The following BICD1 variants were observed in gnomAD, a reference collection of about 807,000 sequenced individuals.
The protein encoded by BICD1 is protein bicaudal D homolog 1.
In BICD1, 35 loss-of-function variants were observed where a neutral mutation model predicts 92.5. The ratio of observed to expected loss-of-function variants is 0.38; its 90% CI spans 0.29 to 0.50. BICD1 has a LOEUF of 0.50. BICD1 is among the 20% of genes least tolerant of loss of function. BICD1 has a pLI of 0.93. For synonymous variants in BICD1, 429 were observed against 465.1 expected, an observed-to-expected ratio of 0.92 and a Z score of 1.00; for missense variants, 950 against 1,189.8, an observed-to-expected ratio of 0.80 and a Z score of 2.97.
rs140279451 is a variant in BICD1 at position 32,207,444 on chromosome 12, G to T, written c.214-8803G>T. Reference sequence around the variant, plus strand: ...TTGAGAAGTATGGAAAATATGATATGCTATTTATTTGAATGATACTCGGTA... The same window carrying T: ...TTGAGAAGTATGGAAAATATGATATTCTATTTATTTGAATGATACTCGGTA... On this transcript the variant is annotated intron_variant, in intron 1 of 9. Coordinates refer to ENST00000652176, the MANE Select transcript of BICD1 (RefSeq NM_001714.4). Among the ~76,000 whole-genome samples, 570 of 152,190 alleles carry T rather than the reference G, an allele frequency of 3.7e-3. 3 individuals carry two copies. The highest frequency in any genetic ancestry group is 0.013 in the African/African-American group (550 of 41,530).
intron 2 of BICD1, among the ~76,000 whole-genome samples, chr12:32,239,062 T>C (rs1946158470): frequency 7.1e-6 from 1 of 141,366 alleles, no homozygotes; most frequent in Non-Finnish European, 1.5e-5. Flanking sequence ...CTGGCTAACA[T>C]GGCGAAACCC....
intron 8 of BICD1, among the ~76,000 whole-genome samples, chr12:32,342,916 T>G (rs1348414684): frequency 6.6e-6 from 1 of 152,226 alleles, no homozygotes; most frequent in African/African-American, 2.4e-5. Context: ...TAGTAATTGA[T>G]TAATGCATTA....
At chr12:32,230,541 G>C (rs1945852430) in intron 2 of BICD1, among the ~76,000 whole-genome samples, 1 of 152,146 alleles carries the variant, frequency 6.6e-6, no homozygotes, top group Admixed American at 6.5e-5. Flanking sequence ...AGAGATGATG[G>C]CAATGGCAAT....
intron 2 of BICD1, among the ~76,000 whole-genome samples, chr12:32,243,405 C>T (rs922130076): frequency 2.0e-5 from 3 of 151,194 alleles, no homozygotes; most frequent in Non-Finnish European, 4.4e-5. Flanking sequence ...TGAGCAACTG[C>T]GTCTGGCCAG....
chr12:32,200,967 T>C (rs1944890226), intron 1 of BICD1, among the ~76,000 whole-genome samples: 1 of 152,254 alleles, frequency 6.6e-6, no homozygotes, highest in African/African-American at 2.4e-5. Context: ...ATCTGTTTCC[T>C]ATATCCTAGT....
Position 32,327,640 on chromosome 12 carries a change from G to A in BICD1, c.1185G>A (p.Lys395=), listed in dbSNP as rs766108342. 4 of 1,614,140 alleles carry A rather than the reference G, an allele frequency of 2.5e-6. No individual in the cohort carries two copies. Among genetic ancestry groups the A allele is most frequent in the South Asian group, 1.1e-5 (1 of 91,074 alleles). ...TCAAGGCTGAGCTGGACGGGGAGAA[G>A]GGCCGGGACTCAGGGGAGGAGGCCC... ...KELKAELDGE[K]GRDSGEEAHD... The change falls in exon 5 of 10, where the codon AAG becomes AAA. Residue 395 remains lysine, a synonymous_variant. Transcript: ENST00000652176.
intron 8 of BICD1, among the ~76,000 whole-genome samples, chr12:32,344,714 A>G (rs138080863): frequency 6.6e-6 from 1 of 152,300 alleles, no homozygotes; most frequent in African/African-American, 2.4e-5. Flanking sequence ...AGATCAGTCA[A>G]TCTTGAACTC....
At chr12:32,327,367 G>C (rs1460173094) in intron 4 of BICD1, 94 bp from the exon 5 acceptor site, 1 of 1,424,224 alleles carries the variant, frequency 7.0e-7, no homozygotes, top group African/African-American at 1.4e-5. Flanking sequence ...CTGCTGCAGT[G>C]ATTTTAAGTG....
At chr12:32,110,956 G>A (rs1305028782) in intron 1 of BICD1, among the ~76,000 whole-genome samples, 3 of 151,812 alleles carry the variant, frequency 2.0e-5, no homozygotes, top group African/African-American at 7.3e-5. Context: ...TCTGCACGTT[G>A]TGCACATGTA....
chr12:32,160,610 TATC>T (rs1171332602), intron 1 of BICD1, among the ~76,000 whole-genome samples: 2 of 152,212 alleles, frequency 1.3e-5, no homozygotes, highest in African/African-American at 4.8e-5. Context: ...TTTTATTCCT[TATC>T]ATCTGATATG....
chr12:32,132,105 G>C (rs1473872128), intron 1 of BICD1, among the ~76,000 whole-genome samples: 1 of 152,068 alleles, frequency 6.6e-6, no homozygotes, highest in Non-Finnish European at 1.5e-5. Flanking sequence ...TGGGTCAAAA[G>C]TAACAGTAAG....
intron 1 of BICD1, among the ~76,000 whole-genome samples, chr12:32,198,326 C>CTATATATATATATATATA (rs1233094983): frequency 3.6e-5 from 4 of 112,250 alleles, no homozygotes; most frequent in Admixed American, 1.0e-4. Flanking sequence ...TAATATGCAT[C>CTATATATATATATATATA]TATCTATATA....
At chr12:32,289,548 G>A (rs1592617682) in intron 2 of BICD1, among the ~76,000 whole-genome samples, 1 of 152,190 alleles carries the variant, frequency 6.6e-6, no homozygotes, top group Non-Finnish European at 1.5e-5. Flanking sequence ...ACCACACCCA[G>A]CTAATTTTTG....
chr12:32,328,520 G>A lies in BICD1; in HGVS notation c.2065G>A (p.Ala689Thr), dbSNP rs1363511738. 4.3e-6 allele frequency: 7 copies of A among 1,613,732 alleles called. No homozygotes were observed. The highest frequency in any genetic ancestry group is 1.3e-5 in the African/African-American group (1 of 75,058). ...GCTGAGCACCAAACGGGAGCAGATC[G>A]CCACATTGAGGGCGGTGTTGAAAGC... is the stretch of plus-strand genomic sequence containing the variant. ...SLLSTKREQI[A>T]TLRAVLKANK... Residue 689 changes from alanine (A) to threonine (T), a missense_variant, in exon 5 of 10, where the codon GCC becomes ACC. By Grantham distance (58) the Ala-to-Thr change is moderately conservative. This residue lies in a region of BICD1 where 309 missense variants were observed against 499.4 expected (regional missense o/e 0.62). Coordinates refer to ENST00000652176, the MANE Select transcript of BICD1 (RefSeq NM_001714.4). The surrounding 1 kb of genome is among the most constrained non-coding windows in gnomAD (Gnocchi z 4.4).
chr12:32,133,489 GAAA>G (rs556254282), intron 1 of BICD1, among the ~76,000 whole-genome samples: 2,358 of 142,650 alleles, frequency 0.017, 27 homozygotes, highest in Middle Eastern at 0.064. Flanking sequence ...CTCCATCTGG[GAAA>G]AAAAAAAAAG....
At chr12:32,159,931 G>T (rs1943550664) in intron 1 of BICD1, among the ~76,000 whole-genome samples, 1 of 113,380 alleles carries the variant, frequency 8.8e-6, no homozygotes, top group Admixed American at 7.9e-5. Flanking sequence ...GATGGTTTGG[G>T]CCTGACAGCC....
chr12:32,310,157 A>G (rs950819494), intron 4 of BICD1, among the ~76,000 whole-genome samples: 1 of 152,166 alleles, frequency 6.6e-6, no homozygotes, highest in Non-Finnish European at 1.5e-5. Flanking sequence ...AGTAAGTTCA[A>G]GAGATCTATA....
At chr12:32,334,902 T>G (rs182227720) in intron 6 of BICD1, among the ~76,000 whole-genome samples, 1 of 152,280 alleles carries the variant, frequency 6.6e-6, no homozygotes, top group Non-Finnish European at 1.5e-5. Context: ...TAAAAATATT[T>G]TTTAAGTAAG....
rs3803115 is a variant in BICD1, at chr12:32,108,296, T to C, written c.213+752T>C. 0.014 allele frequency: 2,679 copies of C among 190,498 alleles called. 119 individuals are homozygous for C. The East Asian group carries it at 0.16, about 11-fold the overall frequency. The allele number at this position is 190,498 out of a possible 1,614,324, so 11.8% of individuals were successfully genotyped here. On this transcript the variant is annotated intron_variant, in intron 1 of 9. Transcript: ENST00000652176. Reference sequence around the variant, plus strand: ...TGAGGCTCTTCTGGTTGAAATGATATATTTATAAAACCAGAATATCAAAAA... The same window carrying C: ...TGAGGCTCTTCTGGTTGAAATGATACATTTATAAAACCAGAATATCAAAAA...
Sources: allele counts gnomAD v4.1 joint callset (sites outside exome capture counted in the v4.1 genomes callset), GRCh38; gene constraint gnomAD v4.1.1; regional missense constraint gnomAD v4.1.1; non-coding constraint Gnocchi (gnomAD v3.1); transcripts MANE v1.5; gene names NCBI Gene and HGNC (gene_info 2026-07-23, HGNC 2026-07-21).